Variants in TIMM9 observed in about 807,000 individuals in gnomAD.
TIMM9 encodes the protein mitochondrial import inner membrane translocase subunit Tim9.
A neutral mutation model predicts 13.4 loss-of-function variants in TIMM9; 10 were observed. That is an observed-to-expected ratio of 0.75 (90% CI 0.46 to 1.26). The LOEUF is 1.26. Ranked by LOEUF, TIMM9 falls within the 50% of genes most tolerant of loss-of-function variation. The pLI, the probability that TIMM9 is intolerant of heterozygous loss-of-function variation, is 0.00. For missense variants in TIMM9, 87 were observed against 100.8 expected (o/e 0.86, Z 0.58); for synonymous variants, 32 against 32.1 (o/e 1.00, Z 0.01).
At chr14:58,417,493 C>A (rs1178750938) in intron 3 of TIMM9, among the ~76,000 whole-genome samples, 2 of 79,856 alleles carry the variant, frequency 2.5e-5, no homozygotes, top group African/African-American at 4.2e-5. Flanking sequence ...ACAGCAAGAC[C>A]CTGTTAAAAA....
Position 58,411,864 on chromosome 14 carries a change from C to A in TIMM9, c.39+43G>T, listed in dbSNP as rs769614171. On this transcript the variant is annotated intron_variant, in intron 4 of 5. Transcript: ENST00000395159. ...ACATGGTGGCATTAGTAGCACCTTA[C>A]ATTTTTTTGCAAAATCTTTTCCCCT... The A allele has an allele frequency of 7.5e-6, 12 of 1,594,708 alleles. 1 individual carries two copies. In the South Asian group the frequency reaches 1.1e-4, roughly 15 times the overall value.
chr14:58,420,895 G>C (rs1298470270), intron 3 of TIMM9, among the ~76,000 whole-genome samples: 3 of 151,832 alleles, frequency 2.0e-5, no homozygotes, highest in Admixed American at 6.6e-5. Flanking sequence ...CCAAATGCTA[G>C]TGAGGACATG....
intron 3 of TIMM9, among the ~76,000 whole-genome samples, chr14:58,414,005 T>C (rs1293005434): frequency 9.2e-4 from 1 of 1,084 alleles, no homozygotes; most frequent in Admixed American, 0.033. Flanking sequence ...AGATTCCGTC[T>C]CAGAAAAAAA....
At chr14:58,417,997 T>C (rs2036470362) in intron 3 of TIMM9, among the ~76,000 whole-genome samples, 1 of 152,046 alleles carries the variant, frequency 6.6e-6, no homozygotes, top group Non-Finnish European at 1.5e-5. Context: ...TATCCTGATA[T>C]TAAAACCAGG....
intron 3 of TIMM9, among the ~76,000 whole-genome samples, chr14:58,419,347 T>C (rs1454818739): frequency 1.3e-5 from 2 of 150,766 alleles, no homozygotes; most frequent in Non-Finnish European, 3.0e-5. Context: ...CCCAGTTACC[T>C]GGGAGTCTGA....
chr14:58,410,835 T>C lies in TIMM9; in HGVS notation c.135+8A>G. The C allele has an allele frequency of 6.3e-7, 1 of 1,599,096 alleles. No homozygotes were observed. Among genetic ancestry groups the C allele is most frequent in the South Asian group, 1.1e-5 (1 of 88,650 alleles). On this transcript the variant is annotated splice_region_variant and intron_variant, in intron 5 of 5. Transcript: ENST00000395159. ...TTGTAGAATTTTAGTGAGTAACACT[T>C]TTCATACCTCTTCAGGTTTTACTTC... is the stretch of plus-strand genomic sequence containing the variant.
intron 3 of TIMM9, among the ~76,000 whole-genome samples, chr14:58,419,724 G>A (rs1566752648): frequency 1.3e-5 from 2 of 151,490 alleles, no homozygotes; most frequent in Non-Finnish European, 2.9e-5. Flanking sequence ...TGGGTAACAT[G>A]ACAAACCCCG....
At chr14:58,410,796 G>A (rs1271116526) in intron 5 of TIMM9, 47 bp downstream of exon 5, 1 of 1,299,248 alleles carries the variant, frequency 7.7e-7, no homozygotes, top group Non-Finnish European at 1.1e-6. Flanking sequence ...CCTACTTAGA[G>A]TGTTTATGAA....
At chr14:58,422,780 TATTTATTTATTTACTTATTTTTGAG>T (rs1343119119) in intron 3 of TIMM9, among the ~76,000 whole-genome samples, 1 of 151,946 alleles carries the variant, frequency 6.6e-6, no homozygotes, top group African/African-American at 2.4e-5. Flanking sequence ...TTGTGTATTT[TATTTATTTATTTACTTATTTTTGAG>T]ATTTATTTAT....
chr14:58,419,809 A>G (rs1487687527), intron 3 of TIMM9, among the ~76,000 whole-genome samples: 2 of 152,000 alleles, frequency 1.3e-5, no homozygotes, highest in East Asian at 3.9e-4. Flanking sequence ...CCAGCTACTC[A>G]AGAGGCTGAG....
chr14:58,413,666 T>G (rs1054545496), intron 3 of TIMM9, among the ~76,000 whole-genome samples: 2 of 152,226 alleles, frequency 1.3e-5, no homozygotes, highest in Non-Finnish European at 2.9e-5. Flanking sequence ...ATTTATTTAC[T>G]ATATCCTGGC....
In TIMM9 at chr14:58,410,979, A is replaced by G. The variant is rs1291723068; in HGVS notation, c.40-41T>C. ...AATGTTCTTTAGTATTTGGTTTTTA[A>G]AACAAAGATGCTTTGAAACTTAAAT... On this transcript the variant is annotated intron_variant, in intron 4 of 5. Transcript: ENST00000395159. The G allele has an allele frequency of 2.1e-6, 3 of 1,412,640 alleles. No homozygotes were observed. In the African/African-American group the frequency reaches 4.3e-5, roughly 20 times the overall value. 87.5% of individuals were successfully genotyped at this position (1,412,640 alleles called of 1,614,324 possible). A position where few individuals can be genotyped will look rare whatever the true frequency, so the allele number is the denominator to read the frequency against.
intron 4 of TIMM9, 84 bp downstream of exon 4, chr14:58,411,823 C>T: frequency 7.8e-7 from 1 of 1,285,394 alleles, no homozygotes. Flanking sequence ...AGATGTGAGC[C>T]ACTGCACCCA....
At chr14:58,410,738 G>C in intron 5 of TIMM9, 105 bp downstream of exon 5, 1 of 770,562 alleles carries the variant, frequency 1.3e-6, no homozygotes, top group Non-Finnish European at 2.1e-6. Context: ...ATAAAAGGTA[G>C]TCTAAATTCC....
intron 5 of TIMM9, 51 bp downstream of exon 5, chr14:58,410,792 T>TA (rs1566746452): frequency 2.4e-6 from 3 of 1,266,724 alleles, no homozygotes; most frequent in Admixed American, 2.0e-5. Context: ...GGATCCTACT[T>TA]AGAGTGTTTA....
At chr14:58,410,659 T>G (rs1162398708) in intron 5 of TIMM9, among the ~76,000 whole-genome samples, 184 bp downstream of exon 5, 1 of 152,220 alleles carries the variant, frequency 6.6e-6, no homozygotes, top group East Asian at 1.9e-4. Context: ...GTAACTGTCA[T>G]TAAATTTGGC....
At chr14:58,417,667 T>TAGGA (rs1001885182) in intron 3 of TIMM9, among the ~76,000 whole-genome samples, 10 of 143,776 alleles carry the variant, frequency 7.0e-5, no homozygotes, top group Non-Finnish European at 1.5e-4. Context: ...GGAAGGAAGG[T>TAGGA]AGGAAGGAAG....
intron 4 of TIMM9, among the ~76,000 whole-genome samples, chr14:58,411,603 G>C (rs536239898): frequency 3.3e-5 from 5 of 151,384 alleles, no homozygotes; most frequent in African/African-American, 9.7e-5. Flanking sequence ...GCAATGCCAC[G>C]ATCTCGGCTC....
chr14:58,416,315 G>A (rs933942213), intron 3 of TIMM9, among the ~76,000 whole-genome samples: 6 of 152,180 alleles, frequency 3.9e-5, no homozygotes, highest in Non-Finnish European at 7.3e-5. Context: ...TATCTTGCCT[G>A]TAGGGGTAAA....
Sources: allele counts gnomAD v4.1 joint callset (sites outside exome capture counted in the v4.1 genomes callset), GRCh38; gene constraint gnomAD v4.1.1; transcripts MANE v1.5; gene names NCBI Gene and HGNC (gene_info 2026-07-23, HGNC 2026-07-21).